The following KLHL32 variants were observed in gnomAD, a reference collection of about 807,000 sequenced individuals.
KLHL32 encodes the protein kelch like family member 32.
Under a neutral mutation model 64.8 loss-of-function variants are expected in KLHL32, and 35 were observed. The observed-to-expected ratio is 0.54, with a 90% CI of 0.41 to 0.72. The LOEUF is 0.72. Ranked by LOEUF, KLHL32 falls within the 30% of genes least tolerant of loss-of-function variation. KLHL32 has a pLI of 0.00. For missense variants in KLHL32, 589 were observed against 768.5 expected (o/e 0.77, Z 2.76); for synonymous variants, 259 against 281.0 (o/e 0.92, Z 0.78).
rs771070561 is a variant in KLHL32 at position 97,139,245 on chromosome 6, C to A, written c.1826C>A (p.Thr609Asn). ...APYFTCPNLQ[T>N]LQVPHHRIGT... The stretch of plus-strand genomic sequence containing the variant: ...TATTTTACATGCCCTAACCTTCAAA[C>A]TCTTCAAGTGCCTCATCACAGGATT... The change falls in exon 11 of 11, where the codon ACT becomes AAT. Residue 609 changes from threonine (T) to asparagine (N), a missense_variant. By Grantham distance (65) the Thr-to-Asn change is moderately conservative (BLOSUM62 0). Transcript: ENST00000369261. The A allele has an allele frequency of 1.2e-6, 2 of 1,614,072 alleles. No homozygotes were observed. The highest frequency in any genetic ancestry group is 4.5e-5 in the East Asian group (2 of 44,870).
chr6:96,988,317 A>G (rs1167513638), intron 3 of KLHL32, among the ~76,000 whole-genome samples: 1 of 152,244 alleles, frequency 6.6e-6, no homozygotes, highest in African/African-American at 2.4e-5. Flanking sequence ...ACTTCTCAAA[A>G]GAAGACATTT....
chr6:96,963,844 T>G (rs1774139609), intron 1 of KLHL32, among the ~76,000 whole-genome samples: 1 of 152,196 alleles, frequency 6.6e-6, no homozygotes, highest in Admixed American at 6.5e-5. Context: ...AGGGCCTACT[T>G]GAAAAAGAGC....
chr6:97,031,259 T>C (rs1047269630), intron 3 of KLHL32, among the ~76,000 whole-genome samples: 8 of 152,214 alleles, frequency 5.3e-5, no homozygotes, highest in African/African-American at 1.7e-4. Flanking sequence ...ACCCAAGACA[T>C]TGACCTTGAT....
intron 10 of KLHL32, among the ~76,000 whole-genome samples, chr6:97,134,801 A>ACAT (rs967346136): frequency 1.3e-5 from 2 of 152,172 alleles, no homozygotes; most frequent in African/African-American, 4.8e-5. Context: ...CATTTTTTCC[A>ACAT]CATCTCATAT....
intron 3 of KLHL32, among the ~76,000 whole-genome samples, chr6:97,029,204 A>C (rs78859436): frequency 6.6e-6 from 1 of 152,178 alleles, no homozygotes; most frequent in Non-Finnish European, 1.5e-5. Context: ...AGAGGAGGAG[A>C]ATTCTAAACA....
chr6:97,069,523 T>C (rs1482773816), intron 5 of KLHL32, among the ~76,000 whole-genome samples: 2 of 151,980 alleles, frequency 1.3e-5, no homozygotes, highest in Non-Finnish European at 2.9e-5. Context: ...TGAGTGCTGT[T>C]TTTGCATCAT....
At chr6:96,904,013 G>T in the KLHL32 span, among the ~76,000 whole-genome samples, 1 of 152,198 alleles carries the variant, frequency 6.6e-6, no homozygotes, top group Non-Finnish European at 1.5e-5. Context: ...TAAGGTAGCT[G>T]AATAGCTAGC....
intron 3 of KLHL32, among the ~76,000 whole-genome samples, chr6:97,015,856 G>A (rs1426872831): frequency 6.6e-6 from 1 of 152,170 alleles, no homozygotes; most frequent in Non-Finnish European, 1.5e-5. Flanking sequence ...ACTATGTGCA[G>A]CCTTGGGACT....
chr6:97,099,674 C>T (rs561632436), intron 6 of KLHL32, among the ~76,000 whole-genome samples: 118 of 152,290 alleles, frequency 7.7e-4, no homozygotes, highest in Non-Finnish European at 1.1e-3. Context: ...GACTGCTGCA[C>T]GCTGGGCTCT....
At chr6:97,077,657 A>G (rs1170585016) in intron 5 of KLHL32, among the ~76,000 whole-genome samples, 1 of 152,202 alleles carries the variant, frequency 6.6e-6, no homozygotes, top group African/African-American at 2.4e-5. Context: ...CAGATTAAGT[A>G]CTTAAGAACA....
At chr6:97,073,090 G>A (rs917337512) in intron 5 of KLHL32, among the ~76,000 whole-genome samples, 3 of 152,094 alleles carry the variant, frequency 2.0e-5, no homozygotes, top group Admixed American at 6.6e-5. Flanking sequence ...GATATAATGT[G>A]GTGCTTCACC....
chr6:97,122,893 C>T (rs755792030), intron 7 of KLHL32, among the ~76,000 whole-genome samples: 13 of 152,174 alleles, frequency 8.5e-5, no homozygotes, highest in Admixed American at 3.9e-4. Context: ...CTAGTGTGAA[C>T]CTGGCCACTG....
At chr6:97,013,126 C>T (rs1780634772) in intron 3 of KLHL32, among the ~76,000 whole-genome samples, 1 of 152,140 alleles carries the variant, frequency 6.6e-6, no homozygotes, top group Non-Finnish European at 1.5e-5. Flanking sequence ...ATAGTAAATG[C>T]TCTTAAAATA....
intron 6 of KLHL32, among the ~76,000 whole-genome samples, chr6:97,089,306 A>G (rs1997933): frequency 0.38 from 57,303 of 152,216 alleles, 10,816 homozygotes; most frequent in South Asian, 0.49. Flanking sequence ...CACCTGTTAC[A>G]TGCTAGGCAT....
At chr6:97,123,150 C>G (rs1414955680) in intron 7 of KLHL32, among the ~76,000 whole-genome samples, 2 of 152,190 alleles carry the variant, frequency 1.3e-5, no homozygotes, top group Non-Finnish European at 2.9e-5. Context: ...AGCCATCAGA[C>G]TTGACCCAGT....
chr6:97,024,998 A>G, intron 3 of KLHL32: 8 of 985,240 alleles, frequency 8.1e-6, no homozygotes, highest in African/African-American at 1.7e-5. Flanking sequence ...TCTCAGGTAT[A>G]CGGTCAACCT....
the KLHL32 span, among the ~76,000 whole-genome samples, chr6:96,914,430 G>T: frequency 5.9e-5 from 9 of 151,956 alleles, no homozygotes; most frequent in Non-Finnish European, 8.8e-5. Flanking sequence ...TCTGCCTCTG[G>T]TCCTTTGGTC....
chr6:97,139,537 A>T lies in KLHL32; in HGVS notation c.*255A>T. 2.6e-6 allele frequency: 1 copy of T among 384,722 alleles called. No homozygotes were observed. 23.8% of individuals were successfully genotyped at this position (384,722 alleles called of 1,614,324 possible). ...GCCAATTTAAGGTATATTGTGTTCC[A>T]TGGGTCTTTAGAGCATTCTTTGTAC... is the stretch of plus-strand genomic sequence containing the variant. On this transcript the variant is annotated 3_prime_UTR_variant, in exon 11 of 11. Transcript: ENST00000369261.
At chr6:97,046,747 CGACA>C (rs1785989962) in intron 4 of KLHL32, among the ~76,000 whole-genome samples, 1 of 151,982 alleles carries the variant, frequency 6.6e-6, no homozygotes, top group African/African-American at 2.4e-5. Flanking sequence ...ACTATGGAGT[CGACA>C]TTAACATTAA....
Sources: allele counts gnomAD v4.1 joint callset (sites outside exome capture counted in the v4.1 genomes callset), GRCh38; gene constraint gnomAD v4.1.1; transcripts MANE v1.5; gene names NCBI Gene and HGNC (gene_info 2026-07-23, HGNC 2026-07-21).